NGLY1: variants seen among roughly 807,000 people sequenced by gnomAD.
The protein encoded by NGLY1 is N-glycanase 1.
Under a neutral mutation model 84.6 loss-of-function variants are expected in NGLY1, and 68 were observed. The ratio of observed to expected loss-of-function variants is 0.80; its 90% CI spans 0.66 to 0.98. The LOEUF (loss-of-function observed/expected upper bound fraction) is 0.98, where lower values mean the gene tolerates loss of function less well. NGLY1 is among the 50% of genes least tolerant of loss of function. The pLI, the probability that NGLY1 is intolerant of heterozygous loss-of-function variation, is 0.00. For synonymous variants in NGLY1, 280 were observed against 275.2 expected (o/e 1.02, Z -0.17); for missense variants, 779 against 770.2 (o/e 1.01, Z -0.14).
chr3:25,775,258 C>A (rs569180367), intron 2 of NGLY1, among the ~76,000 whole-genome samples: 1 of 152,300 alleles, frequency 6.6e-6, no homozygotes, highest in South Asian at 2.1e-4. Flanking sequence ...TTCTGTCAGT[C>A]CAATTGGGAG....
intron 3 of NGLY1, chr3:25,755,282 T>C: frequency 1.5e-6 from 2 of 1,366,988 alleles, no homozygotes; most frequent in Non-Finnish European, 2.1e-6. Flanking sequence ...TGATAGATAC[T>C]GCTTAACAGC....
At chr3:25,720,333 G>C in intron 10 of NGLY1, 142 bp from the exon 11 acceptor site, 1 of 606,830 alleles carries the variant, frequency 1.6e-6, no homozygotes. Context: ...TGTTGAAAAG[G>C]TTCTTACTGC....
At chr3:25,755,401 A>ATTT in intron 3 of NGLY1, 5 of 1,417,696 alleles carry the variant, frequency 3.5e-6, no homozygotes, top group African/African-American at 1.4e-5. Flanking sequence ...CTCCTACTAT[A>ATTT]GTGACCCCAC....
At chr3:25,732,544 A>G in intron 8 of NGLY1, 61 bp from the exon 9 acceptor site, 1 of 1,269,588 alleles carries the variant, frequency 7.9e-7, no homozygotes. Flanking sequence ...GTCCATCTCT[A>G]AGCAAGAATA....
intron 2 of NGLY1, among the ~76,000 whole-genome samples, chr3:25,777,038 C>T (rs1379728957): frequency 1.3e-5 from 2 of 152,180 alleles, no homozygotes; most frequent in Non-Finnish European, 2.9e-5. Context: ...GTCCCCATCC[C>T]ACCACCTCCA....
At chr3:25,787,361 A>G (rs991258677), upstream of NGLY1, among the ~76,000 whole-genome samples, 1 of 152,240 alleles carries the variant, frequency 6.6e-6, no homozygotes, top group East Asian at 1.9e-4. Flanking sequence ...TTGCCTTCAG[A>G]GCCTCGTGTT....
At chr3:25,750,205 A>G (rs1187181733) in intron 4 of NGLY1, among the ~76,000 whole-genome samples, 1 of 152,094 alleles carries the variant, frequency 6.6e-6, no homozygotes, top group East Asian at 1.9e-4. Context: ...ATCTCCTGGG[A>G]CTCACTCATT....
At chr3:25,769,511 T>C (rs1226075943) in intron 2 of NGLY1, among the ~76,000 whole-genome samples, 5 of 152,192 alleles carry the variant, frequency 3.3e-5, no homozygotes, top group Non-Finnish European at 7.3e-5. Context: ...TGAGATATTA[T>C]CTTACTCCAG....
At chr3:25,758,489 G>T (rs1003511078) in intron 3 of NGLY1, among the ~76,000 whole-genome samples, 2 of 152,086 alleles carry the variant, frequency 1.3e-5, no homozygotes, top group Non-Finnish European at 2.9e-5. Flanking sequence ...GAGGTGGGAG[G>T]ATCATCTGAG....
rs1315826272 is a variant in NGLY1 at position 25,751,364 on chromosome 3, G to GAATGTA, written c.493-107_493-102dup. The GAATGTA allele has an allele frequency of 1.1e-5, 10 of 941,858 alleles. No individual in the cohort carries two copies. In the African/African-American group the frequency reaches 1.7e-4, roughly 16 times the overall value. The allele number at this position is 941,858 out of a possible 1,614,324, so 58.3% of individuals were successfully genotyped here. A position where few individuals can be genotyped will look rare whatever the true frequency, so the allele number is the denominator to read the frequency against. ...GTTTTATGATTTTACAGATAGAAGGGAATGTATGGATTCACTTAAATATAA... is the reference window on the plus strand; with the variant it reads ...GTTTTATGATTTTACAGATAGAAGGGAATGTAAATGTATGGATTCACTTAAATATAA... On this transcript the variant is annotated intron_variant, in intron 3 of 11. Transcript: ENST00000280700.
chr3:25,733,759 T>C (rs529807714), intron 8 of NGLY1, 113 bp downstream of exon 8: 17 of 493,918 alleles, frequency 3.4e-5, no homozygotes, highest in Non-Finnish European at 5.7e-5. Context: ...TAAAATATTC[T>C]TGTTTATAAA....
Position 25,783,433 on chromosome 3 carries a change from C to G in NGLY1, c.-43G>C, listed in dbSNP as rs376008228. ...CGCCGCCGCCGCCCCTCGCTCTCCG[C>G]GTCCCACACTGAGCAGGCGCCTCAG... On this transcript the variant is annotated 5_prime_UTR_variant, in exon 1 of 12. Coordinates refer to ENST00000280700, the MANE Select transcript of NGLY1 (RefSeq NM_018297.4). The surrounding 1 kb of genome is among the most constrained non-coding windows in gnomAD (Gnocchi z 4.5). 1,296 of 1,498,596 alleles carry G rather than the reference C, an allele frequency of 8.6e-4. 16 individuals carry two copies. In the African/African-American group the frequency reaches 0.017, roughly 20 times the overall value. The allele number at this position is 1,498,596 out of a possible 1,614,324, so 92.8% of individuals were successfully genotyped here. A position where few individuals can be genotyped will look rare whatever the true frequency, so the allele number is the denominator to read the frequency against.
chr3:25,757,667 A>C (rs1707109404), intron 3 of NGLY1, among the ~76,000 whole-genome samples: 2 of 152,218 alleles, frequency 1.3e-5, no homozygotes, highest in Admixed American at 1.3e-4. Flanking sequence ...AACAATTTGC[A>C]AGAGACTGAG....
chr3:25,763,384 G>T (rs1020405896), intron 3 of NGLY1, among the ~76,000 whole-genome samples: 1 of 152,200 alleles, frequency 6.6e-6, no homozygotes, highest in Non-Finnish European at 1.5e-5. Context: ...AAGAAAAGGT[G>T]TTAAAAACCA....
At chr3:25,760,928 C>A (rs7431653) in intron 3 of NGLY1, among the ~76,000 whole-genome samples, 15 of 132,678 alleles carry the variant, frequency 1.1e-4, no homozygotes, top group South Asian at 2.4e-4. Flanking sequence ...AAAGCTCGCA[C>A]ACAGATCTAG....
At chr3:25,760,662 C>A (rs986495118) in intron 3 of NGLY1, among the ~76,000 whole-genome samples, 2 of 152,034 alleles carry the variant, frequency 1.3e-5, no homozygotes, top group Non-Finnish European at 2.9e-5. Context: ...GAGTTCGAGA[C>A]CAGCCTGACC....
intron 9 of NGLY1, among the ~76,000 whole-genome samples, chr3:25,731,301 AC>A (rs2125463755): frequency 6.6e-6 from 1 of 152,186 alleles, no homozygotes; most frequent in Non-Finnish European, 1.5e-5. Context: ...ATTTTAAAAG[AC>A]CTAAATAAGC....
chr3:25,721,244 T>A (rs1490717491), intron 10 of NGLY1, among the ~76,000 whole-genome samples: 1 of 152,212 alleles, frequency 6.6e-6, no homozygotes, highest in Admixed American at 6.5e-5. Flanking sequence ...TTTAAAAAAA[T>A]TTTTTAGAGG....
chr3:25,755,447 A>G, intron 3 of NGLY1: 1 of 1,465,270 alleles, frequency 6.8e-7, no homozygotes. Flanking sequence ...TTCAACTCCA[A>G]TGTCAGTGAC....
Sources: allele counts gnomAD v4.1 joint callset (sites outside exome capture counted in the v4.1 genomes callset), GRCh38; gene constraint gnomAD v4.1.1; non-coding constraint Gnocchi (gnomAD v3.1); transcripts MANE v1.5; gene names NCBI Gene and HGNC (gene_info 2026-07-23, HGNC 2026-07-21).